The following ECT2 variants were observed in gnomAD, a reference collection of about 807,000 sequenced individuals.
ECT2 encodes epithelial cell transforming 2, also known as protein ECT2.
Under a neutral mutation model 116.9 loss-of-function variants are expected in ECT2, and 61 were observed. That is an observed-to-expected ratio of 0.52 (90% CI 0.42 to 0.65). The LOEUF is 0.65. Ranked by LOEUF, ECT2 falls within the 30% of genes least tolerant of loss-of-function variation. ECT2 has a pLI of 0.00. For missense variants in ECT2, 937 were observed against 1,078.7 expected (o/e 0.87, Z 1.84); for synonymous variants, 358 against 346.4 (o/e 1.03, Z -0.37).
intron 1 of ECT2, chr3:172,752,283 C>A (rs1027604103): frequency 6.6e-6 from 1 of 152,062 alleles, no homozygotes; most frequent in Non-Finnish European, 1.5e-5. Context: ...GTGCCTGCCA[C>A]CAAGCCCAGC....
At position 172,762,988 on chromosome 3, in the gene ECT2, C is replaced by T; in HGVS notation, c.1068+16C>T. Reference sequence around the variant, plus strand: ...ATATGAAAAGGTATGCTTTTAACCCCTTACTTATTTGTTCTGTGAGCTTGA... The same window carrying T: ...ATATGAAAAGGTATGCTTTTAACCCTTTACTTATTTGTTCTGTGAGCTTGA... On this transcript the variant is annotated intron_variant, in intron 11 of 24. Transcript: ENST00000392692. 1.9e-6 allele frequency: 3 copies of T among 1,612,280 alleles called. No individual in the cohort carries two copies. The highest frequency in any genetic ancestry group is 2.2e-5 in the South Asian group (2 of 90,872).
intron 22 of ECT2, among the ~76,000 whole-genome samples, chr3:172,809,224 T>G (rs1028485942): frequency 3.9e-5 from 6 of 152,140 alleles, no homozygotes; most frequent in Non-Finnish European, 7.4e-5. Context: ...CTTATAACCC[T>G]AATACTGAAA....
At chr3:172,755,664 G>A (rs1287447529) in intron 4 of ECT2, 89 bp downstream of exon 4, 1 of 645,520 alleles carries the variant, frequency 1.5e-6, no homozygotes, top group African/African-American at 1.9e-5. Flanking sequence ...TAGGCACAAG[G>A]TGTATTGTGT....
At chr3:172,829,212 C>G in the ECT2 span, 1 of 357,812 alleles carries the variant, frequency 2.8e-6, no homozygotes, top group African/African-American at 2.1e-5. Context: ...TCTCGGCGCC[C>G]AGCCAAAAAT....
chr3:172,793,652 C>T (rs186531467), intron 18 of ECT2, among the ~76,000 whole-genome samples: 4 of 152,030 alleles, frequency 2.6e-5, no homozygotes, highest in East Asian at 1.9e-4. Flanking sequence ...TTAGTAGAGA[C>T]GGAGTTTCAC....
chr3:172,773,348 T>C (rs1285517712), intron 13 of ECT2, among the ~76,000 whole-genome samples: 1 of 152,140 alleles, frequency 6.6e-6, no homozygotes, highest in African/African-American at 2.4e-5. Context: ...TGTCTGTGCA[T>C]GCATATGCAT....
chr3:172,813,880 G>A (rs1310215026), intron 22 of ECT2, among the ~76,000 whole-genome samples: 2 of 142,722 alleles, frequency 1.4e-5, no homozygotes, highest in Admixed American at 7.5e-5. Context: ...ATACAAAACT[G>A]AATAATATTC....
At chr3:172,791,391 G>A (rs190138314) in intron 18 of ECT2, among the ~76,000 whole-genome samples, 13 of 152,320 alleles carry the variant, frequency 8.5e-5, no homozygotes, top group African/African-American at 2.9e-4. Flanking sequence ...AGCTGTGAAA[G>A]TCCTAGAAAG....
intron 1 of ECT2, among the ~76,000 whole-genome samples, chr3:172,754,118 T>G (rs1716470944): frequency 6.6e-6 from 1 of 152,070 alleles, no homozygotes; most frequent in African/African-American, 2.4e-5. Flanking sequence ...TTAGGATAGA[T>G]CTCAGATTTT....
At chr3:172,759,126 T>G (rs1294664258) in intron 6 of ECT2, 57 bp downstream of exon 6, 2 of 1,298,534 alleles carry the variant, frequency 1.5e-6, no homozygotes, top group African/African-American at 3.0e-5. Flanking sequence ...AAATTAAAAT[T>G]GGCTTTTTTT....
chr3:172,826,048 C>T (rs565488223), downstream of ECT2, among the ~76,000 whole-genome samples: 1 of 152,290 alleles, frequency 6.6e-6, no homozygotes, highest in South Asian at 2.1e-4. Context: ...CACGCCCCGC[C>T]ACGCCCTGCT....
Position 172,782,232 on chromosome 3 carries a change from G to A in ECT2, c.1617+1G>A, listed in dbSNP as rs777824180. The A allele has an allele frequency of 1.3e-6, 2 of 1,519,660 alleles. No individual in the cohort carries two copies. Among genetic ancestry groups the A allele is most frequent in the Non-Finnish European group, 9.0e-7 (1 of 1,110,332 alleles). 94.1% of individuals were successfully genotyped at this position (1,519,660 alleles called of 1,614,324 possible). On this transcript the variant is annotated splice_donor_variant, in intron 15 of 24. Coordinates refer to ENST00000392692, the MANE Select transcript of ECT2 (RefSeq NM_001258315.2). LOFTEE classifies it high-confidence loss of function. The stretch of plus-strand genomic sequence containing the variant: ...CATTGGTGACATTTTTCTGAAATAT[G>A]TAAGTATTGTATTTCTTTTTTAAGT...
At chr3:172,775,618 T>G (rs1466827855) in intron 14 of ECT2, among the ~76,000 whole-genome samples, 2 of 151,656 alleles carry the variant, frequency 1.3e-5, no homozygotes, top group African/African-American at 4.9e-5. Context: ...GAAGGTCAAG[T>G]AGGTTTTGTG....
chr3:172,794,302 A>G (rs1725222176), intron 18 of ECT2, among the ~76,000 whole-genome samples: 1 of 152,182 alleles, frequency 6.6e-6, no homozygotes, highest in African/African-American at 2.4e-5. Flanking sequence ...TATAGATTGA[A>G]GTTCATTTTT....
At chr3:172,781,802 A>T (rs555098893) in intron 14 of ECT2, among the ~76,000 whole-genome samples, 88 of 152,306 alleles carry the variant, frequency 5.8e-4, no homozygotes, top group Admixed American at 2.1e-3. Context: ...TAAATAAATT[A>T]AAAAAACCTC....
chr3:172,806,115 G>A (rs776144100), intron 21 of ECT2: 1 of 320,942 alleles, frequency 3.1e-6, no homozygotes, highest in Non-Finnish European at 5.7e-6. Context: ...AAAGGTCAAA[G>A]AGCTTTTAAA....
At chr3:172,763,379 G>A (rs985109353) in intron 11 of ECT2, among the ~76,000 whole-genome samples, 1 of 152,214 alleles carries the variant, frequency 6.6e-6, no homozygotes, top group Non-Finnish European at 1.5e-5. Context: ...AACTTACTAG[G>A]CCAACTAGGT....
chr3:172,802,770 A>G (rs935847154), intron 19 of ECT2, 76 bp downstream of exon 19: 1 of 1,509,102 alleles, frequency 6.6e-7, no homozygotes, highest in African/African-American at 1.4e-5. Context: ...AATATAAATA[A>G]TATCTTGGCA....
intron 12 of ECT2, among the ~76,000 whole-genome samples, chr3:172,765,190 G>A (rs1288747656): frequency 6.6e-6 from 1 of 152,102 alleles, no homozygotes; most frequent in Non-Finnish European, 1.5e-5. Context: ...CCTTGTTGGG[G>A]AGACAGTTTT....
Sources: allele counts gnomAD v4.1 joint callset (sites outside exome capture counted in the v4.1 genomes callset), GRCh38; gene constraint gnomAD v4.1.1; transcripts MANE v1.5; gene names NCBI Gene and HGNC (gene_info 2026-07-23, HGNC 2026-07-21).